ST7L: variants seen among roughly 807,000 people sequenced by gnomAD.
ST7L encodes suppressor of tumorigenicity 7 protein-like.
Under a neutral mutation model 72.5 loss-of-function variants are expected in ST7L, and 57 were observed. The observed-to-expected ratio is 0.79, with a 90% CI of 0.64 to 0.98. The LOEUF is 0.98. ST7L is among the 50% of genes least tolerant of loss of function. The pLI, the probability that ST7L is intolerant of heterozygous loss-of-function variation, is 0.00. For synonymous variants in ST7L, 221 were observed against 240.9 expected (o/e 0.92, Z 0.77); for missense variants, 576 against 672.2 (o/e 0.86, Z 1.58).
chr1:112,618,098 A>G (rs545401609), intron 1 of ST7L: 1 of 1,302,434 alleles, frequency 7.7e-7, no homozygotes, highest in South Asian at 1.2e-5. Flanking sequence ...TGTAATGGAA[A>G]TACTTATATC....
intron 13 of ST7L, among the ~76,000 whole-genome samples, chr1:112,542,529 G>A (rs1044497352): frequency 2.6e-5 from 4 of 152,134 alleles, no homozygotes; most frequent in Admixed American, 2.6e-4. Context: ...GGGCCAAAGA[G>A]GAGGATCGCT....
intron 11 of ST7L, among the ~76,000 whole-genome samples, chr1:112,570,545 G>GTATATATA (rs71584748): frequency 0.03 from 3,876 of 130,456 alleles, 70 homozygotes; most frequent in East Asian, 0.063. Context: ...AATAAAAGAT[G>GTATATATA]TATATATATA....
At chr1:112,610,665 C>G in intron 3 of ST7L, 176 bp downstream of exon 3, 1 of 727,078 alleles carries the variant, frequency 1.4e-6, no homozygotes, top group Non-Finnish European at 2.2e-6. Context: ...GCACTGCCCT[C>G]ATGACCTGAT....
chr1:112,570,412 C>T (rs1045772468), intron 11 of ST7L, among the ~76,000 whole-genome samples: 1 of 151,984 alleles, frequency 6.6e-6, no homozygotes, highest in African/African-American at 2.4e-5. Flanking sequence ...AGCTCTAGAC[C>T]TACAGCCATT....
chr1:112,541,745 T>G, intron 14 of ST7L: 1 of 1,241,542 alleles, frequency 8.1e-7, no homozygotes, highest in African/African-American at 1.5e-5. Flanking sequence ...TTATATTGTA[T>G]TCTTTAAACT....
chr1:112,582,364 A>T lies in ST7L; in HGVS notation c.954+11T>A. 6.4e-7 allele frequency: 1 copy of T among 1,569,834 alleles called. No individual in the cohort carries two copies. On this transcript the variant is annotated intron_variant, in intron 8 of 14. Transcript: ENST00000358039. The stretch of plus-strand genomic sequence containing the variant: ...GAATAAATGTAATAGTCCCATCATC[A>T]ATTTACTTACATCTCTCATTATTTT...
intron 14 of ST7L, among the ~76,000 whole-genome samples, chr1:112,530,708 C>T (rs1654252931): frequency 6.6e-6 from 1 of 152,304 alleles, no homozygotes; most frequent in East Asian, 1.9e-4. Flanking sequence ...AGCCACCGCA[C>T]CCAGCCTCTG....
downstream of ST7L, chr1:112,522,496 T>A (rs1350696429): frequency 6.6e-6 from 1 of 152,270 alleles, no homozygotes; most frequent in South Asian, 2.1e-4. Flanking sequence ...TAAAGAATTC[T>A]GGATACAGGC....
intron 9 of ST7L, among the ~76,000 whole-genome samples, chr1:112,579,988 T>A (rs1663825463): frequency 6.6e-6 from 1 of 152,232 alleles, no homozygotes; most frequent in Non-Finnish European, 1.5e-5. Flanking sequence ...AATTTCTCCA[T>A]GAGCCTACAC....
intron 3 of ST7L, among the ~76,000 whole-genome samples, chr1:112,608,770 G>A (rs879531421): frequency 1.3e-5 from 2 of 152,096 alleles, no homozygotes; most frequent in Admixed American, 6.5e-5. Flanking sequence ...ATTCCTTCTT[G>A]TACTCTTGAA....
At chr1:112,574,627 C>A (rs1662795251) in intron 11 of ST7L, among the ~76,000 whole-genome samples, 1 of 150,844 alleles carries the variant, frequency 6.6e-6, no homozygotes, top group Non-Finnish European at 1.5e-5. Context: ...CCACTGCACT[C>A]CAGCCTGGGC....
chr1:112,533,552 G>C (rs1037108242), intron 14 of ST7L, among the ~76,000 whole-genome samples: 5 of 152,108 alleles, frequency 3.3e-5, no homozygotes, highest in Admixed American at 1.3e-4. Flanking sequence ...CTTGACTCAT[G>C]ATCCACCTGC....
At chr1:112,559,301 G>A (rs1659701697) in intron 11 of ST7L, among the ~76,000 whole-genome samples, 1 of 152,094 alleles carries the variant, frequency 6.6e-6, no homozygotes, top group Admixed American at 6.6e-5. Flanking sequence ...CTGGAGTGCA[G>A]TGGCTCACCA....
chr1:112,601,817 G>A (rs12728311), intron 3 of ST7L, among the ~76,000 whole-genome samples: 30,154 of 151,846 alleles, frequency 0.2, 3,827 homozygotes, highest in East Asian at 0.47. Flanking sequence ...GGTAGCTCAC[G>A]TCTGTAATCC....
At position 112,582,460 on chromosome 1, in the gene ST7L, T is replaced by C. The variant is rs745486307; in HGVS notation, c.869A>G (p.Asn290Ser). 4.4e-6 allele frequency: 7 copies of C among 1,594,500 alleles called. No individual in the cohort carries two copies. Among genetic ancestry groups the C allele is most frequent in the Admixed American group, 3.4e-5 (2 of 59,096 alleles). ...TCTTCTTTTAATATATACCAGTACATTGGTATCTCTCCCTATTTAGAAAAA... is the reference window on the plus strand; with the variant it reads ...TCTTCTTTTAATATATACCAGTACACTGGTATCTCTCCCTATTTAGAAAAA... The part of the protein sequence containing the change: ...QHEAQLRRDT[N>S]VLVYIKRRLA... The change falls in exon 8 of 15, where the codon AAT becomes AGT. Residue 290 changes from asparagine (N) to serine (S), a missense_variant. Asn to Ser is a conservative substitution (Grantham distance 46). Around this residue, in one of 3 missense-constraint regions of ST7L, gnomAD observed 511 missense variants for 600.7 expected, o/e 0.85. Coordinates refer to ENST00000358039, the MANE Select transcript of ST7L (RefSeq NM_017744.5).
intron 6 of ST7L, among the ~76,000 whole-genome samples, chr1:112,589,833 T>C (rs1003669867): frequency 2.0e-5 from 3 of 152,234 alleles, no homozygotes; most frequent in Non-Finnish European, 2.9e-5. Flanking sequence ...TTAGGCAGAC[T>C]TGACAGCTTA....
At chr1:112,599,489 C>T (rs1667072282) in intron 4 of ST7L, among the ~76,000 whole-genome samples, 1 of 152,094 alleles carries the variant, frequency 6.6e-6, no homozygotes, top group South Asian at 2.1e-4. Context: ...ACGCAGCACT[C>T]CTCAAAATAA....
chr1:112,582,110 T>C lies in ST7L; in HGVS notation c.955-4A>G, dbSNP rs1463291683. The stretch of plus-strand genomic sequence containing the variant: ...GAGGAGGAAATTCTTTCATCAACTG[T>C]ATATTAAAAGGAAAAGAAAGATTAA... On this transcript the variant is annotated splice_polypyrimidine_tract_variant and splice_region_variant and intron_variant, in intron 8 of 14. Coordinates refer to ENST00000358039, the MANE Select transcript of ST7L (RefSeq NM_017744.5). 6.4e-7 allele frequency: 1 copy of C among 1,570,808 alleles called. No homozygotes were observed. The highest frequency in any genetic ancestry group is 1.1e-5 in the South Asian group (1 of 89,722).
intron 14 of ST7L, chr1:112,539,967 AC>A: frequency 1.0e-6 from 1 of 985,358 alleles, no homozygotes; most frequent in Non-Finnish European, 1.2e-6. Context: ...TATATCAATA[AC>A]TTTTGGTCTG....
Sources: gnomAD v4.1 joint callset for allele counts (sites outside exome capture counted in the v4.1 genomes callset) on GRCh38, gnomAD v4.1.1 for gene constraint, gnomAD v4.1.1 regional missense constraint, MANE v1.5 for transcripts, NCBI Gene and HGNC (gene_info 2026-07-23, HGNC 2026-07-21) for gene names.